Variants in PGM3 observed in about 807,000 individuals in gnomAD.
PGM3 encodes phosphoglucomutase 3, also known as phosphoacetylglucosamine mutase.
Under a neutral mutation model 66.2 loss-of-function variants are expected in PGM3, and 40 were observed. The ratio of observed to expected loss-of-function variants is 0.60; its 90% CI spans 0.47 to 0.79. The LOEUF is 0.79. Among genes scored for constraint, PGM3 ranks in the 30% least tolerant of loss-of-function variants. The pLI is 0.00. For missense variants in PGM3, 537 were observed against 643.4 expected (o/e 0.83, Z 1.79); for synonymous variants, 191 against 224.2 (o/e 0.85, Z 1.32).
chr6:83,181,073 C>G (rs1788147612), intron 6 of PGM3, among the ~76,000 whole-genome samples: 1 of 152,154 alleles, frequency 6.6e-6, no homozygotes, highest in Non-Finnish European at 1.5e-5. Flanking sequence ...ATCTGCAAGT[C>G]AGGTTTGGCC....
chr6:83,152,800 T>C, the PGM3 span, among the ~76,000 whole-genome samples: 1 of 151,996 alleles, frequency 6.6e-6, no homozygotes, highest in Non-Finnish European at 1.5e-5. Context: ...GTATTTTTAG[T>C]AGAGACGGGG....
intron 12 of PGM3, chr6:83,169,668 C>A (rs1406817959): frequency 6.4e-6 from 3 of 465,190 alleles, no homozygotes; most frequent in Admixed American, 2.3e-5. Flanking sequence ...CCTCATCCAT[C>A]ATGGATATTC....
chr6:83,176,645 A>G (rs1040653959), intron 8 of PGM3, among the ~76,000 whole-genome samples: 2 of 152,212 alleles, frequency 1.3e-5, no homozygotes, highest in Non-Finnish European at 2.9e-5. Context: ...GTGAATAGGG[A>G]AAGTCATGGA....
At chr6:83,184,424 A>G (rs1329911242) in intron 4 of PGM3, among the ~76,000 whole-genome samples, 1 of 152,240 alleles carries the variant, frequency 6.6e-6, no homozygotes, top group Admixed American at 6.5e-5. Flanking sequence ...GAGGAGATGG[A>G]GAAGCTCAAA....
the PGM3 span, chr6:83,152,007 A>G: frequency 6.2e-7 from 1 of 1,613,958 alleles, no homozygotes; most frequent in Non-Finnish European, 8.5e-7. Flanking sequence ...GATGGAACCA[A>G]TTTGGAATCT....
chr6:83,188,181 T>C (rs986864921), intron 3 of PGM3, among the ~76,000 whole-genome samples: 1 of 149,126 alleles, frequency 6.7e-6, no homozygotes, highest in African/African-American at 2.6e-5. Flanking sequence ...GAAAATAATA[T>C]TGTAGTTTAC....
intron 5 of PGM3, among the ~76,000 whole-genome samples, chr6:83,182,407 G>T (rs755482399): frequency 2.6e-4 from 40 of 152,228 alleles, no homozygotes; most frequent in Non-Finnish European, 5.0e-4. Context: ...AGTTAATTGT[G>T]CCTGGTAAGG....
chr6:83,171,863 A>G (rs1373425941), intron 11 of PGM3, 74 bp downstream of exon 11: 10 of 1,138,124 alleles, frequency 8.8e-6, no homozygotes, highest in Non-Finnish European at 1.3e-5. Context: ...TGTCAGTGAG[A>G]TATAATGAGA....
downstream of PGM3, chr6:83,161,367 T>A (rs1784194066): frequency 1.3e-5 from 2 of 152,184 alleles, no homozygotes; most frequent in Admixed American, 1.3e-4. Flanking sequence ...GAGTAATATC[T>A]TAGCATGATC....
At chr6:83,172,198 A>G (rs1417510971) in intron 10 of PGM3, 139 bp from the exon 11 acceptor site, 1 of 831,774 alleles carries the variant, frequency 1.2e-6, no homozygotes, top group Non-Finnish European at 1.9e-6. Flanking sequence ...AATAATCACA[A>G]GTGAAAAATT....
rs1326335319 is a variant in PGM3, at chr6:83,179,764, CACT to C, written c.945+43_945+45del. On this transcript the variant is annotated intron_variant, in intron 7 of 12. Transcript: ENST00000513973. ...ATGATTGTAAAATATGGAACTATTTCACTACTAAGTCTTGTTTTAGAGGGTAGC... is the reference window on the plus strand; with the variant it reads ...ATGATTGTAAAATATGGAACTATTTCACTAAGTCTTGTTTTAGAGGGTAGC... The C allele has an allele frequency of 2.1e-6, 3 of 1,423,324 alleles. No individual in the cohort carries two copies. In the East Asian group the frequency reaches 7.1e-5, roughly 34 times the overall value. 88.2% of individuals were successfully genotyped at this position (1,423,324 alleles called of 1,614,324 possible). A position where few individuals can be genotyped will look rare whatever the true frequency, so the allele number is the denominator to read the frequency against.
downstream of PGM3, chr6:83,161,042 C>T (rs930230411): frequency 1.3e-5 from 2 of 151,856 alleles, no homozygotes; most frequent in Admixed American, 1.3e-4. Flanking sequence ...AGATGTTACT[C>T]CTAAGGAAGT....
chr6:83,190,893 A>T lies in PGM3; in HGVS notation c.120T>A (p.Phe40Leu). The T allele has an allele frequency of 1.2e-6, 2 of 1,614,140 alleles. No homozygotes were observed. The highest frequency in any genetic ancestry group is 1.7e-6 in the Non-Finnish European group (2 of 1,179,986). Reference protein sequence around the residue: ...TKAEHLDHVMFRMGLLAVLRS... With the variant: ...TKAEHLDHVMLRMGLLAVLRS... ...TCAGGACAGCTAATAATCCCATGCG[A>T]AACATGACATGATCAAGATGTTCTG... is the stretch of plus-strand genomic sequence containing the variant. Residue 40 changes from phenylalanine (F) to leucine (L), a missense_variant, in exon 2 of 13, where the codon TTT becomes TTA. Coordinates refer to ENST00000513973, the MANE Select transcript of PGM3 (RefSeq NM_015599.3).
rs762367065 is a variant in PGM3 at position 83,168,169 on chromosome 6, C to G, written c.*1065G>C. The G allele has an allele frequency of 6.2e-7, 1 of 1,610,390 alleles. No individual in the cohort carries two copies. Among genetic ancestry groups the G allele is most frequent in the Admixed American group, 1.7e-5 (1 of 59,462 alleles). ...CTGGAAGGGATGATAAAAACTTGAG[C>G]ACCATTGCTGGTTCCATTTAGCTTA... On this transcript the variant is annotated 3_prime_UTR_variant, in exon 13 of 13. Transcript: ENST00000513973.
At position 83,183,886 on chromosome 6, in the gene PGM3, T is replaced by A. The variant is rs199978514; in HGVS notation, c.458-908A>T. Among the ~76,000 whole-genome samples the A allele has an allele frequency of 2.0e-4, 31 of 152,212 alleles. No individual in the cohort carries two copies. In the East Asian group the frequency reaches 6.0e-3, roughly 29 times the overall value. On this transcript the variant is annotated intron_variant, in intron 4 of 12. Coordinates refer to ENST00000513973, the MANE Select transcript of PGM3 (RefSeq NM_015599.3). ...ACCCACCACCACGCCCGGCTAATTT[T>A]TGTATTTTTAGTAGAGACAGGGTTT...
intron 7 of PGM3, among the ~76,000 whole-genome samples, 165 bp downstream of exon 7, chr6:83,179,645 A>G (rs1409165298): frequency 6.6e-6 from 1 of 152,204 alleles, no homozygotes; most frequent in Non-Finnish European, 1.5e-5. Flanking sequence ...CCAATGCCTC[A>G]AATGTTCAAA....
downstream of PGM3, chr6:83,162,644 C>A: frequency 2.5e-6 from 2 of 813,714 alleles, no homozygotes; most frequent in East Asian, 2.7e-5. Flanking sequence ...GAAACATACC[C>A]AAAGTGACAA....
chr6:83,150,300 T>C, the PGM3 span, among the ~76,000 whole-genome samples: 8 of 152,298 alleles, frequency 5.3e-5, no homozygotes, highest in African/African-American at 1.7e-4. Context: ...AGGGAATGTA[T>C]GTACAGGTGT....
chr6:83,186,272 G>A (rs1222727450), intron 4 of PGM3, among the ~76,000 whole-genome samples: 1 of 152,084 alleles, frequency 6.6e-6, no homozygotes, highest in African/African-American at 2.4e-5. Context: ...TTTATTTCAA[G>A]GAGAGGTAAG....
Sources: gnomAD v4.1 joint callset for allele counts (sites outside exome capture counted in the v4.1 genomes callset) on GRCh38, gnomAD v4.1.1 for gene constraint, MANE v1.5 for transcripts, NCBI Gene and HGNC (gene_info 2026-07-23, HGNC 2026-07-21) for gene names.